TP63: variants seen among roughly 807,000 people sequenced by gnomAD.
TP63 encodes tumor protein 63.
In TP63, 17 loss-of-function variants were observed where a neutral mutation model predicts 82.8. The observed-to-expected ratio is 0.21, with a 90% confidence interval of 0.14 to 0.31. The LOEUF (loss-of-function observed/expected upper bound fraction) is 0.31, where lower values mean the gene tolerates loss of function less well. TP63 is among the 10% of genes least tolerant of loss of function. TP63 has a pLI of 1.00. For synonymous variants in TP63, 330 were observed against 321.7 expected (o/e 1.03, Z -0.28); for missense variants, 648 against 895.3 (o/e 0.72, Z 3.52).
intron 4 of TP63, among the ~76,000 whole-genome samples, chr3:189,849,611 T>A (rs1715368433): frequency 6.6e-6 from 1 of 152,102 alleles, no homozygotes; most frequent in African/African-American, 2.4e-5. Flanking sequence ...GACCCCCATG[T>A]TTTACCTTCT....
chr3:189,757,476 A>G (rs1401036807), intron 3 of TP63, among the ~76,000 whole-genome samples: 1 of 152,214 alleles, frequency 6.6e-6, no homozygotes, highest in Non-Finnish European at 1.5e-5. Flanking sequence ...TAACTGAGAT[A>G]AGGCATGTTA....
chr3:189,878,783 T>A (rs1265096893), intron 10 of TP63, among the ~76,000 whole-genome samples: 1 of 132,196 alleles, frequency 7.6e-6, no homozygotes, highest in Admixed American at 7.5e-5. Context: ...AGATTTATTA[T>A]CTCTGAATTG....
At position 189,889,247 on chromosome 3, in the gene TP63, C is replaced by T. The variant is rs1250411758; in HGVS notation, c.1508-93C>T. 9 of 1,581,378 alleles carry T rather than the reference C, an allele frequency of 5.7e-6. No homozygotes were observed. In the African/African-American group the frequency reaches 1.1e-4, roughly 19 times the overall value. On this transcript the variant is annotated intron_variant, in intron 11 of 13. Coordinates refer to ENST00000264731, the MANE Select transcript of TP63 (RefSeq NM_003722.5). Reference sequence around the variant, plus strand: ...AAAAAGGAAGGCTGGTAGTTTAGGCCCTTGATAAAATTTAACCAGACAAGA... The same window carrying T: ...AAAAAGGAAGGCTGGTAGTTTAGGCTCTTGATAAAATTTAACCAGACAAGA...
intron 4 of TP63, among the ~76,000 whole-genome samples, chr3:189,826,954 G>T (rs1045650981): frequency 2.0e-5 from 3 of 152,134 alleles, no homozygotes; most frequent in Non-Finnish European, 4.4e-5. Flanking sequence ...TGACTAGCTG[G>T]GTTGACTAGG....
At chr3:189,866,273 G>T (rs1232384430) in intron 5 of TP63, among the ~76,000 whole-genome samples, 2 of 152,142 alleles carry the variant, frequency 1.3e-5, no homozygotes, top group Non-Finnish European at 2.9e-5. Context: ...GTATTTGCTG[G>T]TCAGACTTTT....
At chr3:189,836,177 T>C (rs1185883609) in intron 4 of TP63, among the ~76,000 whole-genome samples, 2 of 152,094 alleles carry the variant, frequency 1.3e-5, no homozygotes, top group Non-Finnish European at 2.9e-5. Context: ...GAAGAGATTG[T>C]TTTTACTTGG....
chr3:189,706,900 A>G (rs4687086), intron 1 of TP63, among the ~76,000 whole-genome samples: 106,619 of 152,082 alleles, frequency 0.7, 38,318 homozygotes, highest in African/African-American at 0.87. Flanking sequence ...AGGAGAAACA[A>G]TCTTCAGCAT....
At position 189,651,545 on chromosome 3, in the gene TP63, CAAAAA is replaced by C. The variant is rs71173298; in HGVS notation, c.62+19980_62+19984del. On this transcript the variant is annotated intron_variant, in intron 1 of 13. Coordinates refer to ENST00000264731, the MANE Select transcript of TP63 (RefSeq NM_003722.5). ...TGGGCAACAGAGTGAGATTCCATAT[CAAAAA>C]AAAAAAAAAAAGTAAAGCAAAGAAA... is the stretch of plus-strand genomic sequence containing the variant. Among the ~76,000 whole-genome samples, 63 of 118,414 alleles carry C rather than the reference CAAAAA, an allele frequency of 5.3e-4. 1 individual carries two copies. The highest frequency in any genetic ancestry group is 3.8e-3 in the Middle Eastern group (1 of 266). 77.7% of individuals were successfully genotyped at this position (118,414 alleles called of 152,430 possible). A position where few individuals can be genotyped will look rare whatever the true frequency, so the allele number is the denominator to read the frequency against.
intron 4 of TP63, among the ~76,000 whole-genome samples, chr3:189,863,987 G>C (rs1344529032): frequency 6.6e-6 from 1 of 152,154 alleles, no homozygotes; most frequent in Non-Finnish European, 1.5e-5. Context: ...GGAAATAATG[G>C]CATAAATGTG....
chr3:189,702,403 C>T (rs920804045), intron 1 of TP63, among the ~76,000 whole-genome samples: 37 of 152,144 alleles, frequency 2.4e-4, no homozygotes, highest in Admixed American at 2.3e-3. Context: ...TCCTTGCTGT[C>T]GTAGATTATC....
In TP63 at chr3:189,732,764, A is replaced by G. The variant is rs548355506; in HGVS notation, c.63-4976A>G. On this transcript the variant is annotated intron_variant, in intron 1 of 13. Coordinates refer to ENST00000264731, the MANE Select transcript of TP63 (RefSeq NM_003722.5). ...CCAAAACTTGCAATTCTTCAACTCTATCCTCAAGGAGCTGTAAAACCACAA... is the reference window on the plus strand; with the variant it reads ...CCAAAACTTGCAATTCTTCAACTCTGTCCTCAAGGAGCTGTAAAACCACAA... Among the ~76,000 whole-genome samples, 18 of 152,262 alleles carry G rather than the reference A, an allele frequency of 1.2e-4. No individual in the cohort carries two copies. In the South Asian group the frequency reaches 1.9e-3, roughly 16 times the overall value.
Position 189,779,635 on chromosome 3 carries a change from G to A in TP63, c.325-28637G>A, listed in dbSNP as rs142995877. ...AGACAGTAATCTCTTCTGTGACAGA[G>A]TAACCTGTGTAGCACAGGGGAGCAT... On this transcript the variant is annotated intron_variant, in intron 3 of 13. Coordinates refer to ENST00000264731, the MANE Select transcript of TP63 (RefSeq NM_003722.5). Among the ~76,000 whole-genome samples the A allele has an allele frequency of 1.9e-3, 293 of 152,344 alleles. 2 individuals are homozygous for A. Among genetic ancestry groups the A allele is most frequent in the African/African-American group, 6.7e-3 (278 of 41,586 alleles).
intron 3 of TP63, among the ~76,000 whole-genome samples, chr3:189,787,527 T>C (rs1724707758): frequency 1.3e-5 from 2 of 152,036 alleles, no homozygotes; most frequent in Admixed American, 6.6e-5. Context: ...TTTGTAGATA[T>C]GTTAGACAGA....
intron 4 of TP63, among the ~76,000 whole-genome samples, chr3:189,816,852 A>G (rs13075398): frequency 0.57 from 86,155 of 151,542 alleles, 25,393 homozygotes; most frequent in Admixed American, 0.7. Context: ...CTTATCATTA[A>G]GCCCCCCACG....
chr3:189,828,495 T>C (rs1017772276), intron 4 of TP63, among the ~76,000 whole-genome samples: 2 of 152,250 alleles, frequency 1.3e-5, no homozygotes, highest in African/African-American at 4.8e-5. Context: ...GGGGCCTTTT[T>C]GGTGCCATGC....
At chr3:189,678,976 A>G (rs1715680551) in intron 1 of TP63, among the ~76,000 whole-genome samples, 1 of 152,008 alleles carries the variant, frequency 6.6e-6, no homozygotes, top group South Asian at 2.1e-4. Flanking sequence ...AAATGAGCAA[A>G]GACCCCAAAT....
intron 1 of TP63, among the ~76,000 whole-genome samples, chr3:189,661,867 T>C (rs537628081): frequency 6.6e-6 from 1 of 152,112 alleles, no homozygotes; most frequent in African/African-American, 2.4e-5. Flanking sequence ...GATATGTTTA[T>C]AATAGTCTTT....
intron 10 of TP63, chr3:189,873,647 C>A (rs1436244140): frequency 6.3e-6 from 1 of 157,808 alleles, no homozygotes; most frequent in African/African-American, 2.4e-5. Flanking sequence ...TTACCATATA[C>A]ATATAACCTA....
intron 1 of TP63, among the ~76,000 whole-genome samples, chr3:189,656,443 T>C (rs1212885350): frequency 6.6e-6 from 1 of 152,036 alleles, no homozygotes; most frequent in Non-Finnish European, 1.5e-5. Context: ...GTATGGGAGA[T>C]GGGGAACAAA....
Sources: gnomAD v4.1 joint callset for allele counts (sites outside exome capture counted in the v4.1 genomes callset) on GRCh38, gnomAD v4.1.1 for gene constraint, MANE v1.5 for transcripts, NCBI Gene and HGNC (gene_info 2026-07-23, HGNC 2026-07-21) for gene names.